Variants in MINDY2 observed in about 807,000 individuals in gnomAD.
MINDY2 encodes MINDY lysine 48 deubiquitinase 2.
MINDY2 carries 52 observed loss-of-function variants against 68.2 expected under a neutral mutation model. The ratio of observed to expected loss-of-function variants is 0.76; its 90% CI spans 0.61 to 0.96. MINDY2 has a LOEUF of 0.96. Among genes scored for constraint, MINDY2 ranks in the 40% least tolerant of loss-of-function variants. The pLI, the probability that MINDY2 is intolerant of heterozygous loss-of-function variation, is 0.00. For synonymous variants in MINDY2, 372 were observed against 303.0 expected (o/e 1.23, Z -2.36); for missense variants, 881 against 773.4 (o/e 1.14, Z -1.65).
chr15:58,860,250 A>T lies in MINDY2; in HGVS notation c.*5640A>T, dbSNP rs1403762048. On this transcript the variant is annotated 3_prime_UTR_variant, in exon 9 of 9. Coordinates refer to ENST00000559228, the MANE Select transcript of MINDY2 (RefSeq NM_001040450.3). ...GGTGATCCTGGCTCCTTTGGCTCTC[A>T]TAATTGTTTTATAGCTGAAAATAAA... 2 of 152,210 alleles carry T rather than the reference A, an allele frequency of 1.3e-5. No homozygotes were observed. The highest frequency in any genetic ancestry group is 1.3e-4 in the Admixed American group (2 of 15,268). The allele number at this position is 152,210 out of a possible 1,614,324, so 9.4% of individuals were successfully genotyped here.
At chr15:58,814,509 C>T (rs2030540453) in intron 4 of MINDY2, among the ~76,000 whole-genome samples, 1 of 152,024 alleles carries the variant, frequency 6.6e-6, no homozygotes, top group Non-Finnish European at 1.5e-5. Flanking sequence ...GCCTCAGCCT[C>T]CTAAGTAGCT....
At chr15:58,792,050 G>A (rs1325695417) in intron 2 of MINDY2, among the ~76,000 whole-genome samples, 1 of 152,060 alleles carries the variant, frequency 6.6e-6, no homozygotes, top group Admixed American at 6.6e-5. Flanking sequence ...TCAGGCAGGA[G>A]GAATACTAAA....
At chr15:58,805,998 C>T (rs1481065220) in intron 3 of MINDY2, among the ~76,000 whole-genome samples, 1 of 152,166 alleles carries the variant, frequency 6.6e-6, no homozygotes, top group African/African-American at 2.4e-5. Flanking sequence ...CCCTTGAACC[C>T]AGGAGGTGGA....
intron 1 of MINDY2, among the ~76,000 whole-genome samples, 172 bp downstream of exon 1, chr15:58,772,407 T>C (rs1567033268): frequency 6.6e-6 from 1 of 152,206 alleles, no homozygotes; most frequent in Non-Finnish European, 1.5e-5. Context: ...TTTATACATA[T>C]ATCGAAAAGA....
intron 1 of MINDY2, among the ~76,000 whole-genome samples, chr15:58,777,763 G>C (rs1272662629): frequency 6.6e-6 from 1 of 152,044 alleles, no homozygotes; most frequent in Non-Finnish European, 1.5e-5. Flanking sequence ...TCAAGAGATA[G>C]TTTCATCTAC....
At chr15:58,839,446 C>T (rs969312108) in intron 6 of MINDY2, among the ~76,000 whole-genome samples, 2 of 152,094 alleles carry the variant, frequency 1.3e-5, no homozygotes, top group Non-Finnish European at 2.9e-5. Context: ...ATTCTCCTGC[C>T]TCAGCCCCCG....
In MINDY2 at chr15:58,830,852, G is replaced by A. The variant is rs138908932; in HGVS notation, c.1226-922G>A. Among the ~76,000 whole-genome samples, 11 of 152,128 alleles carry A rather than the reference G, an allele frequency of 7.2e-5. No homozygotes were observed. The East Asian group carries it at 1.9e-3, about 27-fold the overall frequency. The stretch of plus-strand genomic sequence containing the variant: ...CTTGTTTGACCTCAGCTGGGAATGT[G>A]CACATTGGGCCACTCAGAATTTTCA... On this transcript the variant is annotated intron_variant, in intron 5 of 8. Transcript: ENST00000559228.
In MINDY2 at chr15:58,771,940, T is replaced by C; in HGVS notation, c.545T>C (p.Leu182Pro). 6.4e-7 allele frequency: 1 copy of C among 1,554,956 alleles called. No homozygotes were observed. The highest frequency in any genetic ancestry group is 1.2e-5 in the South Asian group (1 of 80,976). The change falls in exon 1 of 9, where the codon CTG becomes CCG. Residue 182 changes from leucine (L) to proline (P), a missense_variant. Coordinates refer to ENST00000559228, the MANE Select transcript of MINDY2 (RefSeq NM_001040450.3). ...GACTCTCTGGAGTCGTTCTCTAACC[T>C]GCATTCTTTTCCCAGTAGCTGCGAG... is the stretch of plus-strand genomic sequence containing the variant. ...SLDSLESFSN[L>P]HSFPSSCEFN...
Position 58,771,660 on chromosome 15 carries a change from G to C in MINDY2, c.265G>C (p.Asp89His). 6.2e-7 allele frequency: 1 copy of C among 1,612,608 alleles called. No individual in the cohort carries two copies. The highest frequency in any genetic ancestry group is 1.7e-4 in the Middle Eastern group (1 of 5,934). Residue 89 changes from aspartate (D) to histidine (H), a missense_variant, in exon 1 of 9, where the codon GAC becomes CAC. Coordinates refer to ENST00000559228, the MANE Select transcript of MINDY2 (RefSeq NM_001040450.3). ...CSSSAGLDLKDSGLESPAAAE... is the reference protein window; with the variant it reads ...CSSSAGLDLKHSGLESPAAAE... ...CTCCTCCGCGGGTTTGGACTTGAAG[G>C]ACAGTGGTTTGGAGAGTCCTGCTGC...
chr15:58,796,267 T>C, intron 2 of MINDY2: 1 of 377,384 alleles, frequency 2.6e-6, no homozygotes, highest in Non-Finnish European at 5.3e-6. Context: ...AAAGGTTGTT[T>C]GAGGGTTAGT....
At position 58,798,241 on chromosome 15, in the gene MINDY2, C is replaced by A. The variant is rs115466037; in HGVS notation, c.899-4072C>A. On this transcript the variant is annotated intron_variant, in intron 2 of 8. Coordinates refer to ENST00000559228, the MANE Select transcript of MINDY2 (RefSeq NM_001040450.3). ...AAGCAATTCTCCTGCCTCAGCTACC[C>A]GAGCAGCTGGGATTACAGGCGCCCG... is the stretch of plus-strand genomic sequence containing the variant. 3.1e-3 allele frequency among the ~76,000 whole-genome samples: 470 copies of A among 152,026 alleles called. 2 individuals carry two copies. The highest frequency in any genetic ancestry group is 0.011 in the African/African-American group (450 of 41,462).
At chr15:58,815,121 A>G (rs1187287989) in intron 4 of MINDY2, among the ~76,000 whole-genome samples, 1 of 152,106 alleles carries the variant, frequency 6.6e-6, no homozygotes. Context: ...TAATTTTTGT[A>G]TGTGGTTCGA....
chr15:58,772,103 C>T lies in MINDY2; in HGVS notation c.708C>T (p.Arg236=), dbSNP rs755660637. 4 of 1,613,906 alleles carry T rather than the reference C, an allele frequency of 2.5e-6. No homozygotes were observed. In the South Asian group the frequency reaches 4.4e-5, roughly 18 times the overall value. ...AGGTGCTGGCGGCCTCCAAGGAACG[C>T]TTCCCGGGACAATCTGTGTATCACA... ...TAQVLAASKE[R]FPGQSVYHIK... is the part of the protein sequence containing the mutation. The change falls in exon 1 of 9, where the codon CGC becomes CGT. Residue 236 remains arginine (R), a synonymous_variant. Transcript: ENST00000559228.
chr15:58,834,279 C>G (rs2031888740), intron 6 of MINDY2, among the ~76,000 whole-genome samples: 1 of 151,808 alleles, frequency 6.6e-6, no homozygotes, highest in Non-Finnish European at 1.5e-5. Context: ...AATCTGATCT[C>G]TCTCTCTTTT....
At chr15:58,787,786 T>A in intron 1 of MINDY2, 120 bp from the exon 2 acceptor site, 1 of 490,136 alleles carries the variant, frequency 2.0e-6, no homozygotes, top group East Asian at 3.6e-5. Flanking sequence ...TATATGTGAA[T>A]GTTAATGTAT....
At chr15:58,836,129 C>G (rs2031981601) in intron 6 of MINDY2, among the ~76,000 whole-genome samples, 1 of 152,110 alleles carries the variant, frequency 6.6e-6, no homozygotes, top group Non-Finnish European at 1.5e-5. Flanking sequence ...CCAGGATGGT[C>G]TCAATCTCCT....
intron 5 of MINDY2, among the ~76,000 whole-genome samples, chr15:58,822,895 A>G (rs1263901926): frequency 1.3e-5 from 2 of 152,150 alleles, no homozygotes; most frequent in East Asian, 1.9e-4. Context: ...CAGACACACA[A>G]TTATTTTACA....
chr15:58,811,810 T>G (rs1355958465), intron 4 of MINDY2, among the ~76,000 whole-genome samples: 1 of 152,166 alleles, frequency 6.6e-6, no homozygotes, highest in Non-Finnish European at 1.5e-5. Flanking sequence ...GGAGAGTCAA[T>G]TGGAAGGGTG....
chr15:58,821,723 G>T lies in MINDY2; in HGVS notation c.1129G>T (p.Asp377Tyr). Residue 377 changes from aspartate (D) to tyrosine (Y), a missense_variant, in exon 5 of 9, where the codon GAC becomes TAC. Asp to Tyr is a radical substitution (Grantham distance 160). Coordinates refer to ENST00000559228, the MANE Select transcript of MINDY2 (RefSeq NM_001040450.3). ...HGWLVDPQIDDIVKAVGNCSY... is the reference protein window; with the variant it reads ...HGWLVDPQIDYIVKAVGNCSY... ...ACAGTCATTTGTTTTCTAGATTGATGACATTGTAAAAGCTGTTGGTAACTG... is the reference window on the plus strand; with the variant it reads ...ACAGTCATTTGTTTTCTAGATTGATTACATTGTAAAAGCTGTTGGTAACTG... 4 of 1,563,336 alleles carry T rather than the reference G, an allele frequency of 2.6e-6. No homozygotes were observed. In the South Asian group the frequency reaches 5.0e-5, roughly 19 times the overall value.
Sources: allele counts gnomAD v4.1 joint callset (sites outside exome capture counted in the v4.1 genomes callset), GRCh38; gene constraint gnomAD v4.1.1; transcripts MANE v1.5; gene names NCBI Gene and HGNC (gene_info 2026-07-23, HGNC 2026-07-21).